The following RBKS variants were observed in gnomAD, a reference collection of about 807,000 sequenced individuals.
The protein encoded by RBKS is ribokinase.
A neutral mutation model predicts 33.9 loss-of-function variants in RBKS; 33 were observed. The observed-to-expected ratio is 0.97, with a 90% CI of 0.74 to 1.30. The LOEUF (loss-of-function observed/expected upper bound fraction) is 1.30, where lower values mean the gene tolerates loss of function less well. Ranked by LOEUF, RBKS falls within the 50% of genes most tolerant of loss-of-function variation. RBKS has a pLI of 0.00. For missense variants in RBKS, 361 were observed against 392.6 expected, an observed-to-expected ratio of 0.92 and a Z score of 0.68; for synonymous variants, 125 against 143.0, an observed-to-expected ratio of 0.87 and a Z score of 0.90.
At chr2:27,856,784 T>C (rs1262055721) in intron 2 of RBKS, among the ~76,000 whole-genome samples, 1 of 152,188 alleles carries the variant, frequency 6.6e-6, no homozygotes, top group African/African-American at 2.4e-5. Context: ...TATCATCCTC[T>C]TTCCAGTTCC....
At chr2:27,862,344 CAAAG>C (rs1240024402) in intron 1 of RBKS, among the ~76,000 whole-genome samples, 1 of 152,132 alleles carries the variant, frequency 6.6e-6, no homozygotes, top group East Asian at 1.9e-4. Flanking sequence ...CAGGTATTCA[CAAAG>C]AAAGGTGGGG....
intron 7 of RBKS, among the ~76,000 whole-genome samples, chr2:27,785,390 A>C (rs765001769): frequency 6.6e-6 from 1 of 152,202 alleles, no homozygotes; most frequent in Non-Finnish European, 1.5e-5. Context: ...AAAATGAATA[A>C]AGATATAGGC....
intron 7 of RBKS, among the ~76,000 whole-genome samples, chr2:27,800,049 CTT>C (rs35932747): frequency 8.6e-4 from 97 of 112,346 alleles, no homozygotes; most frequent in East Asian, 9.1e-4. Context: ...TGTTAGGTGT[CTT>C]TTTTTTTTTT....
intron 7 of RBKS, among the ~76,000 whole-genome samples, chr2:27,798,741 C>A (rs1267141392): frequency 6.6e-6 from 1 of 152,208 alleles, no homozygotes; most frequent in East Asian, 1.9e-4. Context: ...TTACTTCCTC[C>A]TATTCACTTA....
intron 1 of RBKS, among the ~76,000 whole-genome samples, chr2:27,878,522 T>TTA (rs1664360882): frequency 2.6e-5 from 4 of 152,200 alleles, no homozygotes; most frequent in Admixed American, 2.6e-4. Flanking sequence ...GCAGCATGAT[T>TTA]TATAGTCCTT....
At chr2:27,842,971 CAGAA>C (rs1663541494) in intron 5 of RBKS, 92 bp downstream of exon 5, 6 of 872,336 alleles carry the variant, frequency 6.9e-6, no homozygotes, top group Non-Finnish European at 9.8e-6. Context: ...TATTTTACGA[CAGAA>C]AGAGTATTGC....
At chr2:27,789,400 C>CTTTT (rs569506674) in intron 7 of RBKS, among the ~76,000 whole-genome samples, 4 of 130,272 alleles carry the variant, frequency 3.1e-5, no homozygotes, top group African/African-American at 8.6e-5. Context: ...GATTTTGAAG[C>CTTTT]TTTTTTTTTT....
At chr2:27,862,151 T>C (rs1267680369) in intron 1 of RBKS, among the ~76,000 whole-genome samples, 1 of 151,870 alleles carries the variant, frequency 6.6e-6, no homozygotes, top group Non-Finnish European at 1.5e-5. Flanking sequence ...GGTTTTGCCA[T>C]GTTGCTCAGG....
At position 27,829,363 on chromosome 2, in the gene RBKS, G is replaced by GTTTT. The variant is rs35216618; in HGVS notation, c.607-1612_607-1609dup. ...ACCTGGTTGATCCCTGCTTTTCAGTGTTTTTTTTTTTTTTTTTTTTTTGAG... is the reference window on the plus strand; with the variant it reads ...ACCTGGTTGATCCCTGCTTTTCAGTGTTTTTTTTTTTTTTTTTTTTTTTTTTGAG... On this transcript the variant is annotated intron_variant, in intron 6 of 7. Coordinates refer to ENST00000302188, the MANE Select transcript of RBKS (RefSeq NM_022128.3). Among the ~76,000 whole-genome samples the GTTTT allele has an allele frequency of 7.4e-4, 79 of 107,344 alleles. 1 individual carries two copies. The highest frequency in any genetic ancestry group is 1.8e-3 in the African/African-American group (48 of 26,450). The allele number at this position is 107,344 out of a possible 152,430, so 70.4% of individuals were successfully genotyped here.
chr2:27,782,716 C>A, intron 7 of RBKS: 1 of 393,588 alleles, frequency 2.5e-6, no homozygotes, highest in Non-Finnish European at 5.6e-6. Context: ...CAAGTTTCTC[C>A]ACTGTAAAGT....
At chr2:27,827,511 G>T in intron 7 of RBKS, 56 bp downstream of exon 7, 3 of 1,433,536 alleles carry the variant, frequency 2.1e-6, no homozygotes, top group African/African-American at 1.5e-5. Flanking sequence ...CATCTAATTA[G>T]TTACTAAGTA....
At chr2:27,794,327 A>G (rs920601125) in intron 7 of RBKS, among the ~76,000 whole-genome samples, 6 of 147,516 alleles carry the variant, frequency 4.1e-5, no homozygotes, top group Admixed American at 1.4e-4. Flanking sequence ...TAATAATAAT[A>G]ATAATAATAA....
At chr2:27,861,570 G>C (rs559271174) in intron 1 of RBKS, 3 of 469,460 alleles carry the variant, frequency 6.4e-6, no homozygotes, top group South Asian at 4.6e-5. Flanking sequence ...TCAACTTGTT[G>C]ACAATGGCAT....
At chr2:27,873,137 T>C (rs1435548186) in intron 1 of RBKS, among the ~76,000 whole-genome samples, 1 of 152,228 alleles carries the variant, frequency 6.6e-6, no homozygotes, top group Non-Finnish European at 1.5e-5. Flanking sequence ...GTTAAGCTAA[T>C]TCTGGGTCAC....
intron 4 of RBKS, among the ~76,000 whole-genome samples, chr2:27,846,213 C>A (rs947331872): frequency 3.3e-5 from 5 of 152,228 alleles, no homozygotes; most frequent in African/African-American, 1.2e-4. Flanking sequence ...AATGATCCAC[C>A]TGCCTTGGCC....
At chr2:27,797,799 G>A (rs1338436908) in intron 7 of RBKS, among the ~76,000 whole-genome samples, 1 of 152,214 alleles carries the variant, frequency 6.6e-6, no homozygotes, top group African/African-American at 2.4e-5. Context: ...CAGTCGGAGA[G>A]TCTGACCTGG....
At chr2:27,841,773 T>C (rs1663518137) in intron 5 of RBKS, among the ~76,000 whole-genome samples, 1 of 115,684 alleles carries the variant, frequency 8.6e-6, no homozygotes, top group Non-Finnish European at 1.8e-5. Context: ...GTTCTTTTTC[T>C]TTTTTCTTTT....
At chr2:27,782,623 A>T (rs1553373521) in intron 7 of RBKS, 1 of 467,570 alleles carries the variant, frequency 2.1e-6, no homozygotes, top group Non-Finnish European at 4.5e-6. Flanking sequence ...CATTTTCATC[A>T]CATCATATTA....
intron 1 of RBKS, among the ~76,000 whole-genome samples, chr2:27,867,981 G>A (rs183255420): frequency 1.2e-4 from 19 of 152,270 alleles, no homozygotes; most frequent in African/African-American, 4.1e-4. Flanking sequence ...GTATGCATTT[G>A]TAAAATAATA....
Sources: allele counts gnomAD v4.1 joint callset (sites outside exome capture counted in the v4.1 genomes callset), GRCh38; gene constraint gnomAD v4.1.1; transcripts MANE v1.5; gene names NCBI Gene and HGNC (gene_info 2026-07-23, HGNC 2026-07-21).